Variants in ZNF362 observed in about 807,000 individuals in gnomAD.
The protein encoded by ZNF362 is zinc finger protein 362.
A neutral mutation model predicts 42.9 loss-of-function variants in ZNF362; 11 were observed. That is an observed-to-expected ratio of 0.26 (90% confidence interval 0.16 to 0.42). The LOEUF (loss-of-function observed/expected upper bound fraction) is 0.42, where lower values mean the gene tolerates loss of function less well. Ranked by LOEUF, ZNF362 falls within the 20% of genes least tolerant of loss-of-function variation. The probability of loss-of-function intolerance (pLI) is 1.00; values close to 1 mark genes in which losing one functional copy is unlikely to be tolerated. For missense variants in ZNF362, 362 were observed against 576.2 expected (o/e 0.63, Z 3.81); for synonymous variants, 255 against 257.3 (o/e 0.99, Z 0.09).
the ZNF362 span, among the ~76,000 whole-genome samples, chr1:33,197,748 G>A: frequency 3.3e-5 from 5 of 152,244 alleles, no homozygotes; most frequent in South Asian, 2.1e-4. Context: ...AGAGTTTGCC[G>A]GGCAGAGTCC....
chr1:33,241,817 C>T, the ZNF362 span, among the ~76,000 whole-genome samples: 1 of 152,170 alleles, frequency 6.6e-6, no homozygotes, highest in African/African-American at 2.4e-5. Flanking sequence ...CTGGAGCCAT[C>T]CTCCTGCCTT....
intron 4 of ZNF362, among the ~76,000 whole-genome samples, chr1:33,277,791 C>T (rs1216085410): frequency 3.3e-5 from 5 of 152,184 alleles, no homozygotes; most frequent in Admixed American, 3.3e-4. Context: ...GATGTGAGCT[C>T]AGTCTTGGAT....
At chr1:33,269,029 C>A (rs779220429) in intron 1 of ZNF362, among the ~76,000 whole-genome samples, 7 of 152,128 alleles carry the variant, frequency 4.6e-5, no homozygotes, top group Non-Finnish European at 1.0e-4. Context: ...CTTCTCTCCC[C>A]ACCCTGTAGG....
the ZNF362 span, chr1:33,200,377 A>G: frequency 6.6e-6 from 1 of 152,160 alleles, no homozygotes; most frequent in Non-Finnish European, 1.5e-5. Flanking sequence ...AAAAGGCAGA[A>G]AAAGAGAAAA....
chr1:33,279,449 A>T (rs1570397997), intron 4 of ZNF362, among the ~76,000 whole-genome samples: 1 of 151,950 alleles, frequency 6.6e-6, no homozygotes, highest in Admixed American at 6.6e-5. Context: ...CCAACTTGAC[A>T]TTATCTTTTT....
chr1:33,240,599 C>G, the ZNF362 span, among the ~76,000 whole-genome samples: 1 of 151,888 alleles, frequency 6.6e-6, no homozygotes, highest in Non-Finnish European at 1.5e-5. Flanking sequence ...CCCAGGTAGA[C>G]ATTTTGCCCT....
chr1:33,285,421 A>G (rs1450521148), intron 6 of ZNF362, among the ~76,000 whole-genome samples: 1 of 152,134 alleles, frequency 6.6e-6, no homozygotes, highest in Non-Finnish European at 1.5e-5. Flanking sequence ...CTCACCAACA[A>G]CAAAAAAATG....
intron 4 of ZNF362, among the ~76,000 whole-genome samples, chr1:33,277,816 G>A (rs942541769): frequency 1.1e-4 from 16 of 152,180 alleles, no homozygotes; most frequent in African/African-American, 3.6e-4. Flanking sequence ...TGAGGCTGGG[G>A]TGCCAGGCGG....
chr1:33,144,906 G>A, the ZNF362 span, among the ~76,000 whole-genome samples: 6 of 152,314 alleles, frequency 3.9e-5, no homozygotes, highest in African/African-American at 1.4e-4. Flanking sequence ...GGGGGGATAG[G>A]GTAGGGCCTC....
At chr1:33,207,580 C>T in the ZNF362 span, among the ~76,000 whole-genome samples, 2 of 152,058 alleles carry the variant, frequency 1.3e-5, no homozygotes, top group African/African-American at 4.8e-5. Flanking sequence ...GTGTAAAAAC[C>T]TTCCTATTTT....
the ZNF362 span, among the ~76,000 whole-genome samples, chr1:33,187,760 A>G: frequency 6.6e-6 from 1 of 152,200 alleles, no homozygotes; most frequent in African/African-American, 2.4e-5. Context: ...CTACCCTCTG[A>G]GAACTAGGAT....
At chr1:33,199,274 C>T in the ZNF362 span, among the ~76,000 whole-genome samples, 5 of 151,908 alleles carry the variant, frequency 3.3e-5, no homozygotes, top group Admixed American at 2.0e-4. Flanking sequence ...TCTTAAAAAC[C>T]GCTAAAGGAA....
chr1:33,276,052 G>T, intron 2 of ZNF362, 48 bp from the exon 3 acceptor site: 2 of 1,609,638 alleles, frequency 1.2e-6, no homozygotes, highest in Non-Finnish European at 8.5e-7. Context: ...CTCGCCCCAG[G>T]CCTTGGGGAG....
At chr1:33,258,498 G>C (rs975840729) in intron 1 of ZNF362, among the ~76,000 whole-genome samples, 1 of 152,156 alleles carries the variant, frequency 6.6e-6, no homozygotes, top group Non-Finnish European at 1.5e-5. Context: ...TTGGCCAGAG[G>C]GTACCAAGCC....
intron 1 of ZNF362, among the ~76,000 whole-genome samples, chr1:33,265,348 A>T (rs1237885497): frequency 6.6e-6 from 1 of 151,586 alleles, no homozygotes; most frequent in East Asian, 2.0e-4. Context: ...CAGTGAGGGG[A>T]AGGGGCAGGC....
Position 33,276,090 on chromosome 1 carries a change from C to T in ZNF362, c.39-10C>T, listed in dbSNP as rs1275545907. ...CTCTCTTCCCGGTGACAGTCGCTCT[C>T]TTCCCGCAGGATGGCCGAGCCTCGA... On this transcript the variant is annotated splice_polypyrimidine_tract_variant and intron_variant, in intron 2 of 8. Transcript: ENST00000539719. 8 of 1,614,038 alleles carry T rather than the reference C, an allele frequency of 5.0e-6. No individual in the cohort carries two copies. The highest frequency in any genetic ancestry group is 3.3e-5 in the South Asian group (3 of 91,090).
chr1:33,239,887 T>A, the ZNF362 span, among the ~76,000 whole-genome samples: 1 of 152,098 alleles, frequency 6.6e-6, no homozygotes, highest in Admixed American at 6.5e-5. Context: ...AGGGATAATT[T>A]GAAAACCAAA....
chr1:33,237,122 A>G, the ZNF362 span, among the ~76,000 whole-genome samples: 2 of 152,274 alleles, frequency 1.3e-5, no homozygotes, highest in East Asian at 1.9e-4. Flanking sequence ...TCATAAATAT[A>G]TACAATTATT....
the ZNF362 span, among the ~76,000 whole-genome samples, chr1:33,188,718 C>A: frequency 1.3e-5 from 2 of 152,184 alleles, no homozygotes; most frequent in East Asian, 3.9e-4. Flanking sequence ...TTGGGCCATG[C>A]GTGGCTTCCA....
Sources: allele counts gnomAD v4.1 joint callset (sites outside exome capture counted in the v4.1 genomes callset), GRCh38; gene constraint gnomAD v4.1.1; transcripts MANE v1.5; gene names NCBI Gene and HGNC (gene_info 2026-07-23, HGNC 2026-07-21).